TRIM37: variants seen among roughly 807,000 people sequenced by gnomAD.
The protein encoded by TRIM37 is E3 ubiquitin-protein ligase TRIM37.
A neutral mutation model predicts 129.8 loss-of-function variants in TRIM37; 80 were observed. The observed-to-expected ratio is 0.62, with a 90% CI of 0.51 to 0.74. TRIM37 has a LOEUF of 0.74. Ranked by LOEUF, TRIM37 falls within the 30% of genes least tolerant of loss-of-function variation. The probability of loss-of-function intolerance (pLI) is 0.00; values close to 1 mark genes in which losing one functional copy is unlikely to be tolerated. For missense variants in TRIM37, 1,054 were observed against 1,176.5 expected (o/e 0.90, Z 1.52); for synonymous variants, 389 against 387.1 (o/e 1.00, Z -0.06).
chr17:59,022,575 C>T (rs1185002938), intron 19 of TRIM37, among the ~76,000 whole-genome samples: 1 of 152,200 alleles, frequency 6.6e-6, no homozygotes, highest in Non-Finnish European at 1.5e-5. Context: ...GTTTCCTCAT[C>T]TGTAAATCTG....
chr17:59,053,210 G>A (rs897174000), intron 13 of TRIM37, among the ~76,000 whole-genome samples: 1 of 151,994 alleles, frequency 6.6e-6, no homozygotes, highest in Non-Finnish European at 1.5e-5. Context: ...CCAAGCAGCA[G>A]GTAAAATTTC....
At chr17:59,042,135 G>A (rs2039232549) in intron 16 of TRIM37, among the ~76,000 whole-genome samples, 1 of 151,802 alleles carries the variant, frequency 6.6e-6, no homozygotes, top group Non-Finnish European at 1.5e-5. Context: ...CCAGCACTTT[G>A]GGAGGCTGAG....
At chr17:59,032,296 C>A (rs931814733) in intron 17 of TRIM37, among the ~76,000 whole-genome samples, 2 of 151,696 alleles carry the variant, frequency 1.3e-5, no homozygotes, top group African/African-American at 4.8e-5. Context: ...GAGGCCGAGG[C>A]GGGTGGATCA....
chr17:59,081,328 C>G (rs2043236238), intron 5 of TRIM37, 109 bp from the exon 6 acceptor site: 5 of 1,465,344 alleles, frequency 3.4e-6, no homozygotes, highest in Admixed American at 3.5e-5. Flanking sequence ...CTCAAATGAA[C>G]TTTACCTTAT....
intron 9 of TRIM37, among the ~76,000 whole-genome samples, chr17:59,069,543 A>G (rs1010102945): frequency 3.9e-5 from 6 of 152,138 alleles, no homozygotes; most frequent in African/African-American, 1.4e-4. Flanking sequence ...AGTATTCCAT[A>G]AGTCATCTCT....
At chr17:59,001,455 A>G (rs932260375) in intron 23 of TRIM37, 143 bp downstream of exon 23, 1 of 183,500 alleles carries the variant, frequency 5.4e-6, no homozygotes, top group African/African-American at 2.6e-5. Flanking sequence ...GACAATAATT[A>G]AAAAAAAAAA....
intron 17 of TRIM37, among the ~76,000 whole-genome samples, chr17:59,041,522 T>G (rs2039152231): frequency 6.6e-6 from 1 of 152,230 alleles, no homozygotes; most frequent in South Asian, 2.1e-4. Flanking sequence ...AGTTGGCAAG[T>G]TGCTTTAATT....
the TRIM37 span, chr17:58,969,654 A>G: frequency 2.8e-5 from 45 of 1,614,012 alleles, no homozygotes; most frequent in South Asian, 4.9e-4. Flanking sequence ...ATGTTCCCCC[A>G]TGATCCTGCT....
At chr17:59,040,455 G>A (rs1368151376) in intron 17 of TRIM37, among the ~76,000 whole-genome samples, 1 of 152,118 alleles carries the variant, frequency 6.6e-6, no homozygotes, top group East Asian at 1.9e-4. Flanking sequence ...AGTAAAGAAT[G>A]TATAGCATTA....
rs138663693 is a variant in TRIM37 at position 59,013,636 on chromosome 17, A to G, written c.2577-1190T>C. Among the ~76,000 whole-genome samples, 163 of 152,240 alleles carry G rather than the reference A, an allele frequency of 1.1e-3. 1 individual carries two copies. In the East Asian group the frequency reaches 0.03, roughly 28 times the overall value. On this transcript the variant is annotated intron_variant, in intron 21 of 23. Transcript: ENST00000262294. ...GGGAGTTAAGGATGGGAAATTTTTC[A>G]CTTATTCTTTTCTCCTTTCATTTTG...
chr17:59,080,800 G>GA (rs1331756280), intron 6 of TRIM37, among the ~76,000 whole-genome samples: 1 of 151,834 alleles, frequency 6.6e-6, no homozygotes, highest in Non-Finnish European at 1.5e-5. Flanking sequence ...TCAAAAAAAA[G>GA]AAAAAATAAG....
At chr17:58,982,757 G>A (rs891279545) in exon 25 of TRIM37, 4 of 576,488 alleles carry the variant, frequency 6.9e-6, no homozygotes, top group Non-Finnish European at 1.2e-5. Flanking sequence ...TCACGTCTGT[G>A]ACAAATGGTT....
At chr17:58,983,632 CTATA>C (rs2031525734) in intron 24 of TRIM37, 3 of 152,608 alleles carry the variant, frequency 2.0e-5, no homozygotes, top group African/African-American at 4.8e-5. Flanking sequence ...ATAAAAGTAT[CTATA>C]TAATATCTAT....
intron 17 of TRIM37, among the ~76,000 whole-genome samples, chr17:59,032,734 C>T (rs937577335): frequency 6.6e-6 from 1 of 151,936 alleles, no homozygotes; most frequent in African/African-American, 2.4e-5. Context: ...GAGATTATAT[C>T]CCATGACCAC....
At chr17:59,008,855 A>C (rs2034882290) in intron 22 of TRIM37, among the ~76,000 whole-genome samples, 1 of 152,230 alleles carries the variant, frequency 6.6e-6, no homozygotes, top group African/African-American at 2.4e-5. Context: ...GAATGCAGCT[A>C]GAGTAGAAAT....
intron 22 of TRIM37, among the ~76,000 whole-genome samples, chr17:59,003,740 A>G (rs2034096526): frequency 6.6e-6 from 1 of 151,852 alleles, no homozygotes; most frequent in African/African-American, 2.4e-5. Flanking sequence ...ACAAACATCA[A>G]TGATGAGATG....
intron 24 of TRIM37, chr17:58,984,956 C>T (rs897081184): frequency 1.3e-5 from 2 of 152,624 alleles, no homozygotes; most frequent in Non-Finnish European, 2.9e-5. Context: ...TTCTCTTGTT[C>T]ATAACATTTC....
At chr17:59,064,188 T>C (rs2041738462) in intron 10 of TRIM37, 167 bp downstream of exon 10, 7 of 637,350 alleles carry the variant, frequency 1.1e-5, no homozygotes, top group Non-Finnish European at 1.9e-5. Context: ...AAAGATACAA[T>C]ATAATCCAGC....
intron 24 of TRIM37, among the ~76,000 whole-genome samples, chr17:58,986,963 A>G (rs576218691): frequency 5.3e-5 from 8 of 152,250 alleles, no homozygotes; most frequent in Non-Finnish European, 1.2e-4. Context: ...CAACTGTTGA[A>G]TATGTTTAGT....
Sources: allele counts gnomAD v4.1 joint callset (sites outside exome capture counted in the v4.1 genomes callset), GRCh38; gene constraint gnomAD v4.1.1; transcripts MANE v1.5; gene names NCBI Gene and HGNC (gene_info 2026-07-23, HGNC 2026-07-21).